Variants in PDS5B observed in about 807,000 individuals in gnomAD.
The protein encoded by PDS5B is sister chromatid cohesion protein PDS5 homolog B.
In PDS5B, 51 loss-of-function variants were observed where a neutral mutation model predicts 184.1. The ratio of observed to expected loss-of-function variants is 0.28; its 90% CI spans 0.22 to 0.35. The LOEUF (loss-of-function observed/expected upper bound fraction) is 0.35, where lower values mean the gene tolerates loss of function less well. Among genes scored for constraint, PDS5B ranks in the 10% least tolerant of loss-of-function variants. PDS5B has a pLI of 1.00. For synonymous variants in PDS5B, 566 were observed against 569.2 expected, an observed-to-expected ratio of 0.99 and a Z score of 0.08; for missense variants, 1,180 against 1,723.3, an observed-to-expected ratio of 0.68 and a Z score of 5.58.
intron 25 of PDS5B, 121 bp from the exon 26 acceptor site, chr13:32,755,721 A>T (rs1954149915): frequency 1.8e-6 from 1 of 543,436 alleles, no homozygotes. Flanking sequence ...GGATGCAGAA[A>T]ATATAGTACG....
intron 26 of PDS5B, among the ~76,000 whole-genome samples, chr13:32,757,612 A>G (rs1461922046): frequency 6.6e-6 from 1 of 152,208 alleles, no homozygotes; most frequent in African/African-American, 2.4e-5. Context: ...ATAATTGTCA[A>G]TCTTGACTTT....
intron 6 of PDS5B, among the ~76,000 whole-genome samples, chr13:32,663,338 A>G (rs1309482418): frequency 6.6e-6 from 1 of 152,116 alleles, no homozygotes; most frequent in East Asian, 1.9e-4. Context: ...AGAAAAAAAA[A>G]AAAAGGCTAA....
rs755683242 is a variant in PDS5B at position 32,777,697 on chromosome 13, A to T, written c.*2645A>T. 5.9e-5 allele frequency: 9 copies of T among 152,462 alleles called. No individual in the cohort carries two copies. The highest frequency in any genetic ancestry group is 1.3e-4 in the Non-Finnish European group (9 of 67,808). The allele number at this position is 152,462 out of a possible 1,614,324, so 9.4% of individuals were successfully genotyped here. On this transcript the variant is annotated 3_prime_UTR_variant, in exon 35 of 35. Transcript: ENST00000315596. ...ATTTGTTTAATCTACATTATAATAAAATTTCTTGCTGCAGTGCAACAGGAG... is the reference window on the plus strand; with the variant it reads ...ATTTGTTTAATCTACATTATAATAATATTTCTTGCTGCAGTGCAACAGGAG...
chr13:32,671,408 G>T (rs1950932343), intron 7 of PDS5B, among the ~76,000 whole-genome samples: 1 of 152,066 alleles, frequency 6.6e-6, no homozygotes. Context: ...AAGGATTATT[G>T]TTCTTTATTA....
At chr13:32,652,152 T>TG (rs1381349967) in intron 3 of PDS5B, 145 bp downstream of exon 3, 2 of 625,864 alleles carry the variant, frequency 3.2e-6, no homozygotes, top group East Asian at 5.5e-5. Context: ...AATGTTTTTT[T>TG]TTTTTTTTAG....
chr13:32,630,536 G>A (rs1465060935), intron 1 of PDS5B, among the ~76,000 whole-genome samples: 1 of 152,176 alleles, frequency 6.6e-6, no homozygotes, highest in Non-Finnish European at 1.5e-5. Flanking sequence ...GAGAAGCCCT[G>A]ATGTAGAGGA....
At chr13:32,594,042 C>G (rs759670383) in intron 1 of PDS5B, among the ~76,000 whole-genome samples, 1 of 152,172 alleles carries the variant, frequency 6.6e-6, no homozygotes, top group African/African-American at 2.4e-5. Flanking sequence ...ATGTTAATTA[C>G]CCCGATTTGA....
chr13:32,750,855 G>GTGTGTGTT (rs1953955873), intron 24 of PDS5B, among the ~76,000 whole-genome samples: 1 of 146,516 alleles, frequency 6.8e-6, no homozygotes, highest in Non-Finnish European at 1.5e-5. Flanking sequence ...CTCTGTGTGT[G>GTGTGTGTT]TGTGTGTGTG....
rs765096593 is a variant in PDS5B at position 32,673,273 on chromosome 13, G to A, written c.763G>A (p.Val255Ile). ...ATCTATCAGCGATTTGTCAGAGCAT[G>A]TCTTTGACTTAATTTTGGAGCTCTA... The part of the protein sequence containing the change: ...KTSISDLSEH[V>I]FDLILELYNI... The change falls in exon 8 of 35, where the codon GTC (valine) becomes ATC (isoleucine). Residue 255 changes from valine to isoleucine, a missense_variant. Physicochemically the swap from Val to Ile is conservative, Grantham distance 29. This residue lies in a region of PDS5B where 79 missense variants were observed against 124.6 expected (regional missense o/e 0.63). Transcript: ENST00000315596. 1.2e-6 allele frequency: 2 copies of A among 1,612,870 alleles called. No individual in the cohort carries two copies. Among genetic ancestry groups the A allele is most frequent in the African/African-American group, 2.7e-5 (2 of 74,902 alleles).
intron 8 of PDS5B, among the ~76,000 whole-genome samples, chr13:32,675,017 G>A (rs1185872944): frequency 2.0e-5 from 3 of 151,270 alleles, no homozygotes; most frequent in African/African-American, 4.9e-5. Context: ...TTACTTAGAC[G>A]AATAAAGAAA....
intron 1 of PDS5B, among the ~76,000 whole-genome samples, chr13:32,607,693 G>C (rs989123858): frequency 1.0e-4 from 7 of 67,140 alleles, no homozygotes; most frequent in Non-Finnish European, 2.6e-4. Context: ...TTTAGCTGGG[G>C]TGGGGTGGGC....
At chr13:32,605,618 G>T (rs1251052529) in intron 1 of PDS5B, among the ~76,000 whole-genome samples, 2 of 152,112 alleles carry the variant, frequency 1.3e-5, no homozygotes, top group Non-Finnish European at 2.9e-5. Flanking sequence ...TTCAAGTCCT[G>T]GATATCCTTG....
chr13:32,666,298 C>T (rs140374819), intron 6 of PDS5B, among the ~76,000 whole-genome samples: 287 of 152,166 alleles, frequency 1.9e-3, no homozygotes, highest in Admixed American at 3.7e-3. Flanking sequence ...GGCTTGGTCT[C>T]GCACTCCTGG....
At chr13:32,673,072 T>C in intron 7 of PDS5B, 144 bp from the exon 8 acceptor site, 1 of 694,532 alleles carries the variant, frequency 1.4e-6, no homozygotes, top group South Asian at 1.7e-5. Flanking sequence ...CTATATTGGT[T>C]TCCCATATAA....
chr13:32,693,810 A>C (rs1310945277), intron 13 of PDS5B, among the ~76,000 whole-genome samples: 1 of 151,676 alleles, frequency 6.6e-6, no homozygotes, highest in Non-Finnish European at 1.5e-5. Context: ...TTGACATATA[A>C]AAATATTCAC....
intron 13 of PDS5B, chr13:32,688,949 C>A (rs1241046426): frequency 4.6e-6 from 1 of 216,794 alleles, no homozygotes; most frequent in South Asian, 6.6e-5. Flanking sequence ...ATGTGCATTA[C>A]GGTGGAGAGC....
chr13:32,635,718 TAAC>T (rs904091785), intron 1 of PDS5B, among the ~76,000 whole-genome samples: 1 of 130,392 alleles, frequency 7.7e-6, no homozygotes, highest in Non-Finnish European at 1.9e-5. Flanking sequence ...CTGGTTGGGC[TAAC>T]GTTTTTGTTT....
chr13:32,682,988 T>C (rs1951287204), intron 10 of PDS5B, among the ~76,000 whole-genome samples: 1 of 152,194 alleles, frequency 6.6e-6, no homozygotes, highest in East Asian at 1.9e-4. Flanking sequence ...TTGTGATCTC[T>C]TCTCTTGTTA....
At chr13:32,693,030 T>G (rs1307006800) in intron 13 of PDS5B, among the ~76,000 whole-genome samples, 3 of 152,012 alleles carry the variant, frequency 2.0e-5, no homozygotes, top group Non-Finnish European at 4.4e-5. Flanking sequence ...CTTTCAGAAG[T>G]TAGAATGATT....
Sources: allele counts gnomAD v4.1 joint callset (sites outside exome capture counted in the v4.1 genomes callset), GRCh38; gene constraint gnomAD v4.1.1; regional missense constraint gnomAD v4.1.1; transcripts MANE v1.5; gene names NCBI Gene and HGNC (gene_info 2026-07-23, HGNC 2026-07-21).